Variants in AGBL4 observed in about 807,000 individuals in gnomAD.
AGBL4 encodes the protein AGBL carboxypeptidase 4.
A neutral mutation model predicts 66.4 loss-of-function variants in AGBL4; 58 were observed. That is an observed-to-expected ratio of 0.87 (90% CI 0.71 to 1.09). The LOEUF (loss-of-function observed/expected upper bound fraction) is 1.09, where lower values mean the gene tolerates loss of function less well. AGBL4 is among the 50% of genes least tolerant of loss of function. AGBL4 has a pLI of 0.00. For synonymous variants in AGBL4, 234 were observed against 222.9 expected (o/e 1.05, Z -0.44); for missense variants, 579 against 631.0 (o/e 0.92, Z 0.88).
intron 6 of AGBL4, among the ~76,000 whole-genome samples, chr1:48,802,120 A>T (rs1229352795): frequency 1.3e-5 from 2 of 152,016 alleles, no homozygotes; most frequent in Non-Finnish European, 2.9e-5. Flanking sequence ...TTGTCTCCAG[A>T]TCTCGTCTCC....
intron 3 of AGBL4, among the ~76,000 whole-genome samples, chr1:49,685,428 T>C (rs1646770294): frequency 6.6e-6 from 1 of 152,218 alleles, no homozygotes; most frequent in Non-Finnish European, 1.5e-5. Flanking sequence ...AGTAATGGAA[T>C]TGCTGGGTCA....
intron 1 of AGBL4, among the ~76,000 whole-genome samples, chr1:49,907,690 C>T (rs990708648): frequency 1.3e-5 from 2 of 152,056 alleles, no homozygotes; most frequent in East Asian, 1.9e-4. Flanking sequence ...ACATGGAGCA[C>T]AGAGGATTTC....
chr1:49,318,013 C>T (rs1339247720), intron 3 of AGBL4, among the ~76,000 whole-genome samples: 1 of 151,982 alleles, frequency 6.6e-6, no homozygotes, highest in African/African-American at 2.4e-5. Flanking sequence ...CTCCTCAGTG[C>T]CATTGGGCAA....
At chr1:48,650,444 A>ACCTTCCTTCCTTCCTT (rs57012926) in intron 8 of AGBL4, among the ~76,000 whole-genome samples, 4,089 of 147,116 alleles carry the variant, frequency 0.028, 67 homozygotes, top group African/African-American at 0.038. Context: ...CTGAGAACCA[A>ACCTTCCTTCCTTCCTT]CCTTCCTTCC....
chr1:48,849,748 G>A (rs949153206), intron 6 of AGBL4, among the ~76,000 whole-genome samples: 7 of 152,292 alleles, frequency 4.6e-5, no homozygotes, highest in Admixed American at 1.3e-4. Context: ...CGAAGTGGAC[G>A]AATCACTTGA....
chr1:49,161,551 A>G (rs1557690656), intron 4 of AGBL4, among the ~76,000 whole-genome samples: 1 of 152,168 alleles, frequency 6.6e-6, no homozygotes, highest in African/African-American at 2.4e-5. Flanking sequence ...ATGATTTTCA[A>G]AGGTTCTTGA....
intron 5 of AGBL4, among the ~76,000 whole-genome samples, chr1:48,885,940 C>T (rs1362152802): frequency 6.6e-6 from 1 of 152,236 alleles, no homozygotes; most frequent in Admixed American, 6.5e-5. Context: ...GGATGAACTA[C>T]ATACCTGGAT....
intron 5 of AGBL4, among the ~76,000 whole-genome samples, chr1:48,884,896 G>C (rs565766308): frequency 6.7e-6 from 1 of 148,288 alleles, no homozygotes; most frequent in South Asian, 2.2e-4. Context: ...GGATGATTGA[G>C]AGAAAAAGAG....
At chr1:49,314,340 G>A (rs539642644) in intron 3 of AGBL4, among the ~76,000 whole-genome samples, 22 of 151,978 alleles carry the variant, frequency 1.4e-4, no homozygotes, top group African/African-American at 3.4e-4. Flanking sequence ...CTATTAACTC[G>A]TCATCTACAT....
intron 2 of AGBL4, among the ~76,000 whole-genome samples, chr1:49,832,331 A>C (rs1557491975): frequency 6.6e-6 from 1 of 150,452 alleles, no homozygotes; most frequent in Non-Finnish European, 1.5e-5. Flanking sequence ...TGAACTCATC[A>C]TTTTTTATGG....
intron 6 of AGBL4, chr1:48,777,060 G>C (rs898411641): frequency 2.7e-6 from 1 of 373,760 alleles, no homozygotes; most frequent in Non-Finnish European, 4.7e-6. Flanking sequence ...AGGGGGACGA[G>C]GGGCGGATGA....
At chr1:49,753,420 G>T (rs1029949068) in intron 2 of AGBL4, among the ~76,000 whole-genome samples, 5 of 152,172 alleles carry the variant, frequency 3.3e-5, no homozygotes, top group African/African-American at 1.2e-4. Flanking sequence ...GACTTACAGG[G>T]TTTCTGCAGA....
intron 5 of AGBL4, among the ~76,000 whole-genome samples, chr1:48,962,164 G>A (rs1658055423): frequency 6.6e-6 from 1 of 151,058 alleles, no homozygotes; most frequent in Non-Finnish European, 1.5e-5. Context: ...GGTATTTGTT[G>A]AATGTTACGA....
At chr1:48,777,662 G>A (rs909105506) in intron 6 of AGBL4, among the ~76,000 whole-genome samples, 2 of 152,132 alleles carry the variant, frequency 1.3e-5, no homozygotes, top group African/African-American at 4.8e-5. Flanking sequence ...GGAGGTGGAA[G>A]GTTTGTCAAG....
chr1:48,951,322 T>A (rs1254234887), intron 5 of AGBL4, among the ~76,000 whole-genome samples: 2 of 151,766 alleles, frequency 1.3e-5, no homozygotes, highest in Non-Finnish European at 2.9e-5. Flanking sequence ...ACTAATCACA[T>A]GTGACTACAC....
At chr1:49,257,731 G>A (rs1652670134) in intron 3 of AGBL4, among the ~76,000 whole-genome samples, 1 of 152,192 alleles carries the variant, frequency 6.6e-6, no homozygotes, top group Non-Finnish European at 1.5e-5. Context: ...TACCTCAGAT[G>A]GAAATGCAGA....
At chr1:49,508,123 T>G (rs912731611) in intron 3 of AGBL4, among the ~76,000 whole-genome samples, 8 of 152,088 alleles carry the variant, frequency 5.3e-5, no homozygotes, top group African/African-American at 1.9e-4. Flanking sequence ...ATCAATATTT[T>G]AATACATAAT....
intron 2 of AGBL4, among the ~76,000 whole-genome samples, chr1:49,850,326 G>C (rs1243807524): frequency 6.6e-6 from 1 of 152,074 alleles, no homozygotes; most frequent in African/African-American, 2.4e-5. Context: ...AGGAAGCTAG[G>C]GGGAGAAACA....
intron 6 of AGBL4, among the ~76,000 whole-genome samples, chr1:48,671,162 A>G (rs928720684): frequency 5.3e-5 from 8 of 152,252 alleles, no homozygotes; most frequent in Admixed American, 2.0e-4. Flanking sequence ...TGAGGACTCA[A>G]TCCTGAAGAT....
Sources: allele counts gnomAD v4.1 joint callset (sites outside exome capture counted in the v4.1 genomes callset), GRCh38; gene constraint gnomAD v4.1.1; transcripts MANE v1.5; gene names NCBI Gene and HGNC (gene_info 2026-07-23, HGNC 2026-07-21).